PCLO: variants seen among roughly 807,000 people sequenced by gnomAD.
PCLO encodes piccolo presynaptic cytomatrix protein.
Under a neutral mutation model 427.5 loss-of-function variants are expected in PCLO, and 82 were observed. That is an observed-to-expected ratio of 0.19 (90% CI 0.16 to 0.23). The LOEUF (loss-of-function observed/expected upper bound fraction) is 0.23. Ranked by LOEUF, PCLO falls within the 10% of genes least tolerant of loss-of-function variation. The pLI, the probability that PCLO is intolerant of heterozygous loss-of-function variation, is 1.00. For missense variants in PCLO, 6,239 were observed against 6,115.9 expected, an observed-to-expected ratio of 1.02 and a Z score of -0.67; for synonymous variants, 2,357 against 2,155.4, an observed-to-expected ratio of 1.09 and a Z score of -2.59.
chr7:82,765,117 G>A (rs2129467666), intron 22 of PCLO, among the ~76,000 whole-genome samples: 1 of 151,814 alleles, frequency 6.6e-6, no homozygotes, highest in Non-Finnish European at 1.5e-5. Flanking sequence ...CAACTTTTGG[G>A]TGAATGGAAA....
At chr7:82,909,954 TCA>T (rs1794283036) in intron 7 of PCLO, among the ~76,000 whole-genome samples, 8 of 152,138 alleles carry the variant, frequency 5.3e-5, no homozygotes, top group Non-Finnish European at 1.2e-4. Flanking sequence ...TAAATTTCAT[TCA>T]TTAGTATCTC....
intron 3 of PCLO, among the ~76,000 whole-genome samples, chr7:82,986,419 C>T (rs1032842628): frequency 7.9e-5 from 12 of 151,708 alleles, no homozygotes; most frequent in Non-Finnish European, 1.2e-4. Context: ...AATAGAAAAC[C>T]AATTTGTATT....
chr7:82,989,830 C>T (rs1218139785), intron 3 of PCLO, among the ~76,000 whole-genome samples: 1 of 152,084 alleles, frequency 6.6e-6, no homozygotes, highest in East Asian at 1.9e-4. Context: ...AAGAGTTATA[C>T]TATGGTCCAA....
At chr7:82,853,358 CT>C (rs1554341427) in intron 10 of PCLO, among the ~76,000 whole-genome samples, 4 of 151,822 alleles carry the variant, frequency 2.6e-5, no homozygotes, top group African/African-American at 9.7e-5. Context: ...CTTAGACACA[CT>C]CTGTTTCCCT....
intron 22 of PCLO, among the ~76,000 whole-genome samples, chr7:82,782,529 CAT>C (rs1441935873): frequency 6.6e-6 from 1 of 152,144 alleles, no homozygotes; most frequent in Admixed American, 6.5e-5. Context: ...ACTGTGGCAA[CAT>C]ATGCTTAGCC....
intron 3 of PCLO, among the ~76,000 whole-genome samples, chr7:83,073,385 G>C (rs913919922): frequency 6.6e-6 from 1 of 151,944 alleles, no homozygotes; most frequent in Non-Finnish European, 1.5e-5. Flanking sequence ...ACCAAATACT[G>C]TGCTAGATGT....
intron 3 of PCLO, among the ~76,000 whole-genome samples, chr7:82,975,778 T>C (rs1355247365): frequency 6.6e-6 from 1 of 151,756 alleles, no homozygotes; most frequent in Non-Finnish European, 1.5e-5. Flanking sequence ...ATGGGGGCAG[T>C]TTCCCCTATG....
At chr7:83,015,573 A>C (rs1788186446) in intron 3 of PCLO, among the ~76,000 whole-genome samples, 1 of 152,178 alleles carries the variant, frequency 6.6e-6, no homozygotes, top group Non-Finnish European at 1.5e-5. Flanking sequence ...TTGTGTTAAA[A>C]AGATACTGTG....
At chr7:82,772,524 C>T (rs1313178513) in intron 22 of PCLO, among the ~76,000 whole-genome samples, 1 of 151,958 alleles carries the variant, frequency 6.6e-6, no homozygotes, top group African/African-American at 2.4e-5. Flanking sequence ...TTCATTAATA[C>T]CTTTATTTGA....
chr7:82,891,010 T>C (rs1236654581), intron 9 of PCLO, among the ~76,000 whole-genome samples: 1 of 152,094 alleles, frequency 6.6e-6, no homozygotes, highest in Non-Finnish European at 1.5e-5. Flanking sequence ...GTGGGACTAA[T>C]AAATGTATGC....
At chr7:82,781,367 G>A (rs968802082) in intron 22 of PCLO, among the ~76,000 whole-genome samples, 1 of 151,426 alleles carries the variant, frequency 6.6e-6, no homozygotes, top group African/African-American at 2.4e-5. Context: ...TGTGCAGAAC[G>A]TGTAGGTTTG....
chr7:83,007,428 T>TAAAATCAA (rs1357202113), intron 3 of PCLO, among the ~76,000 whole-genome samples: 1 of 151,310 alleles, frequency 6.6e-6, no homozygotes, highest in African/African-American at 2.4e-5. Context: ...ATTAAAATCA[T>TAAAATCAA]AACTAGACAA....
At chr7:82,762,852 G>A (rs529677459) in intron 22 of PCLO, among the ~76,000 whole-genome samples, 1 of 151,890 alleles carries the variant, frequency 6.6e-6, no homozygotes, top group South Asian at 2.1e-4. Context: ...ATGTTGCCTA[G>A]GCTGTTCTCA....
chr7:83,153,903 A>T (rs1792201230), intron 2 of PCLO, among the ~76,000 whole-genome samples: 1 of 152,126 alleles, frequency 6.6e-6, no homozygotes, highest in Non-Finnish European at 1.5e-5. Flanking sequence ...TCCCCTAAAA[A>T]AAAAAAACCT....
chr7:83,010,850 A>C (rs1788060041), intron 3 of PCLO, among the ~76,000 whole-genome samples: 1 of 151,976 alleles, frequency 6.6e-6, no homozygotes, highest in African/African-American at 2.4e-5. Flanking sequence ...TCCTTCAATA[A>C]TTTATTTGCT....
In PCLO at chr7:82,758,523, T is replaced by C. The variant is rs981312125; in HGVS notation, c.*52A>G. The C allele has an allele frequency of 6.6e-7, 1 of 1,523,822 alleles. No individual in the cohort carries two copies. The highest frequency in any genetic ancestry group is 1.2e-5 in the South Asian group (1 of 83,904). The allele number at this position is 1,523,822 out of a possible 1,614,324, so 94.4% of individuals were successfully genotyped here. On this transcript the variant is annotated 3_prime_UTR_variant, in exon 25 of 25. Transcript: ENST00000333891. ...TGTACAATAGTATTCAACTATAGTC[T>C]TGATGTGAGGCTATTTAGAGCAGTT...
intron 10 of PCLO, among the ~76,000 whole-genome samples, chr7:82,855,718 C>T (rs1015351751): frequency 6.6e-6 from 1 of 151,986 alleles, no homozygotes; most frequent in Non-Finnish European, 1.5e-5. Context: ...ATCTCACTCC[C>T]AGAAGAGAAG....
In PCLO at chr7:82,884,320, C is replaced by T. The variant is rs189352870; in HGVS notation, c.13529-4858G>A. Among the ~76,000 whole-genome samples, 47 of 152,116 alleles carry T rather than the reference C, an allele frequency of 3.1e-4. No individual in the cohort carries two copies. The East Asian group carries it at 5.2e-3, about 17-fold the overall frequency. On this transcript the variant is annotated intron_variant, in intron 9 of 24. Coordinates refer to ENST00000333891, the MANE Select transcript of PCLO (RefSeq NM_033026.6). ...CCATTGGCATGGGAAATAAGGAAGA[C>T]GAGTAAAAAAATACACAAAAATGAC...
chr7:82,961,902 A>G (rs933187590), intron 4 of PCLO, among the ~76,000 whole-genome samples: 5 of 152,198 alleles, frequency 3.3e-5, no homozygotes, highest in Non-Finnish European at 7.3e-5. Context: ...GTAGAAAAAA[A>G]TTCTGCAAAA....
Sources: gnomAD v4.1 joint callset for allele counts (sites outside exome capture counted in the v4.1 genomes callset) on GRCh38, gnomAD v4.1.1 for gene constraint, MANE v1.5 for transcripts, NCBI Gene and HGNC (gene_info 2026-07-23, HGNC 2026-07-21) for gene names.